TCEANC2: variants seen among roughly 807,000 people sequenced by gnomAD.
TCEANC2 encodes transcription elongation factor A N-terminal and central domain-containing protein 2.
A neutral mutation model predicts 22.8 loss-of-function variants in TCEANC2; 20 were observed. That is an observed-to-expected ratio of 0.88 (90% CI 0.62 to 1.28). The LOEUF (loss-of-function observed/expected upper bound fraction) is 1.28, where lower values mean the gene tolerates loss of function less well. TCEANC2 is among the 50% of genes most tolerant of loss of function. TCEANC2 has a pLI of 0.00. For synonymous variants in TCEANC2, 84 were observed against 95.5 expected (o/e 0.88, Z 0.70); for missense variants, 251 against 249.7 (o/e 1.01, Z -0.03).
intron 4 of TCEANC2, among the ~76,000 whole-genome samples, chr1:54,094,121 T>C (rs17481824): frequency 0.089 from 13,596 of 152,206 alleles, 801 homozygotes; most frequent in Non-Finnish European, 0.14. Context: ...AATCTGTCTG[T>C]CATTAGGACC....
chr1:54,070,658 C>G (rs1274647740), intron 3 of TCEANC2, among the ~76,000 whole-genome samples: 1 of 152,138 alleles, frequency 6.6e-6, no homozygotes, highest in Non-Finnish European at 1.5e-5. Context: ...TTCTTGGTTT[C>G]TTTATAGTTA....
At chr1:54,068,584 G>A (rs1190893646) in intron 2 of TCEANC2, among the ~76,000 whole-genome samples, 172 bp from the exon 3 acceptor site, 2 of 152,108 alleles carry the variant, frequency 1.3e-5, no homozygotes, top group Non-Finnish European at 1.5e-5. Context: ...GCACTAAGCC[G>A]TACCTGCTTT....
intron 4 of TCEANC2, among the ~76,000 whole-genome samples, chr1:54,093,715 C>T (rs960778202): frequency 4.0e-5 from 6 of 148,506 alleles, no homozygotes; most frequent in Admixed American, 6.8e-5. Context: ...ATGTGAATTC[C>T]AAGATACTCT....
chr1:54,059,700 A>C (rs987374173), intron 2 of TCEANC2, among the ~76,000 whole-genome samples: 1 of 152,222 alleles, frequency 6.6e-6, no homozygotes, highest in Non-Finnish European at 1.5e-5. Context: ...TGAATTCCTG[A>C]GACCCGGGAC....
At chr1:54,077,739 T>TG (rs1658168811) in intron 3 of TCEANC2, among the ~76,000 whole-genome samples, 12 of 152,232 alleles carry the variant, frequency 7.9e-5, no homozygotes, top group Admixed American at 2.0e-4. Flanking sequence ...CTCAGGAATA[T>TG]AGTCTTCAAA....
chr1:54,109,733 C>T (rs1658811539), downstream of TCEANC2, among the ~76,000 whole-genome samples: 1 of 152,298 alleles, frequency 6.6e-6, no homozygotes, highest in East Asian at 1.9e-4. Context: ...AGGCCAAGCC[C>T]TCCCTCAGCC....
At chr1:54,076,134 G>C (rs1658138852) in intron 3 of TCEANC2, among the ~76,000 whole-genome samples, 1 of 152,006 alleles carries the variant, frequency 6.6e-6, no homozygotes, top group African/African-American at 2.4e-5. Flanking sequence ...TACATGTGAA[G>C]GTTTGTTATA....
intron 4 of TCEANC2, among the ~76,000 whole-genome samples, chr1:54,094,959 C>T (rs1658517240): frequency 6.6e-6 from 1 of 152,086 alleles, no homozygotes. Flanking sequence ...GGCAACATAG[C>T]AAGACCCCAT....
chr1:54,054,488 A>C lies in TCEANC2; in HGVS notation c.66A>C (p.Gly22=), dbSNP rs750403407. 2 of 1,613,926 alleles carry C rather than the reference A, an allele frequency of 1.2e-6. No individual in the cohort carries two copies. Among genetic ancestry groups the C allele is most frequent in the Non-Finnish European group, 1.7e-6 (2 of 1,179,942 alleles). ...GCCCTCAGAAGAAAGATTCTGGAGGAAAGGTTTACAAGCAGGCCACGATTG... is the reference window on the plus strand; with the variant it reads ...GCCCTCAGAAGAAAGATTCTGGAGGCAAGGTTTACAAGCAGGCCACGATTG... ...QNSPQKKDSG[G]KVYKQATIES... The change falls in exon 2 of 5, where the codon GGA becomes GGC. Residue 22 remains glycine, a synonymous_variant. Coordinates refer to ENST00000234827, the MANE Select transcript of TCEANC2 (RefSeq NM_153035.3).
intron 2 of TCEANC2, among the ~76,000 whole-genome samples, chr1:54,066,085 AAAC>A (rs1300980035): frequency 2.0e-5 from 3 of 151,712 alleles, no homozygotes; most frequent in East Asian, 2.0e-4. Context: ...TTCTTCTCAG[AAAC>A]AACAACAACA....
At chr1:54,087,014 A>G (rs1658351234) in intron 3 of TCEANC2, among the ~76,000 whole-genome samples, 1 of 152,210 alleles carries the variant, frequency 6.6e-6, no homozygotes, top group African/African-American at 2.4e-5. Context: ...TATAGTTTTT[A>G]CTAGTTTAAA....
At chr1:54,056,903 A>G (rs953718074) in intron 2 of TCEANC2, among the ~76,000 whole-genome samples, 2 of 151,818 alleles carry the variant, frequency 1.3e-5, no homozygotes, top group Non-Finnish European at 2.9e-5. Context: ...TTAGCTGGGT[A>G]TGGTGGGGAG....
intron 2 of TCEANC2, among the ~76,000 whole-genome samples, chr1:54,065,069 T>G (rs1657924966): frequency 6.6e-6 from 1 of 152,060 alleles, no homozygotes; most frequent in Non-Finnish European, 1.5e-5. Flanking sequence ...CCTCCAGACC[T>G]CATGTTCACA....
chr1:54,065,716 A>AATATATAT lies in TCEANC2; in HGVS notation c.103-3032_103-3025dup, dbSNP rs112344177. Among the ~76,000 whole-genome samples the AATATATAT allele has an allele frequency of 1.6e-3, 248 of 150,396 alleles. 1 individual carries two copies. Among genetic ancestry groups the AATATATAT allele is most frequent in the African/African-American group, 5.7e-3 (231 of 40,838 alleles). On this transcript the variant is annotated intron_variant, in intron 2 of 4. Transcript: ENST00000234827. ...CAACAGAGCATGACTCTGTCTCAAAAATATATATATATATAAGGGTAAACA... is the reference window on the plus strand; with the variant it reads ...CAACAGAGCATGACTCTGTCTCAAAAATATATATATATATATATATATAAGGGTAAACA...
At chr1:54,112,146 C>T (rs530087724) in exon 5 of TCEANC2, 2 of 152,012 alleles carry the variant, frequency 1.3e-5, no homozygotes, top group Admixed American at 6.6e-5. Context: ...AGTTCAAGAC[C>T]AGCCCGGGTA....
chr1:54,083,431 A>G (rs1054089964), intron 3 of TCEANC2, among the ~76,000 whole-genome samples: 7 of 152,360 alleles, frequency 4.6e-5, no homozygotes, highest in African/African-American at 1.7e-4. Flanking sequence ...GAAGAGACTC[A>G]GTAACAGGTG....
At chr1:54,079,579 C>T (rs1658201550) in intron 3 of TCEANC2, among the ~76,000 whole-genome samples, 1 of 152,164 alleles carries the variant, frequency 6.6e-6, no homozygotes, top group Non-Finnish European at 1.5e-5. Context: ...CCTCCATCTT[C>T]AAAACTTGCA....
intron 3 of TCEANC2, among the ~76,000 whole-genome samples, chr1:54,076,875 G>A (rs915780540): frequency 1.3e-5 from 2 of 152,188 alleles, no homozygotes; most frequent in African/African-American, 2.4e-5. Context: ...AAATTGTGTA[G>A]TTATGTTAGA....
At chr1:54,087,806 C>G (rs1417059178) in intron 3 of TCEANC2, among the ~76,000 whole-genome samples, 1 of 152,120 alleles carries the variant, frequency 6.6e-6, no homozygotes, top group African/African-American at 2.4e-5. Flanking sequence ...GTGGAAGAAA[C>G]CATATCTGTT....
Sources: allele counts gnomAD v4.1 joint callset (sites outside exome capture counted in the v4.1 genomes callset), GRCh38; gene constraint gnomAD v4.1.1; transcripts MANE v1.5; gene names NCBI Gene and HGNC (gene_info 2026-07-23, HGNC 2026-07-21).